ABCC5: variants seen among roughly 807,000 people sequenced by gnomAD.
ABCC5 encodes the protein ATP binding cassette subfamily C member 5.
Under a neutral mutation model 160.9 loss-of-function variants are expected in ABCC5, and 61 were observed. The observed-to-expected ratio is 0.38, with a 90% CI of 0.31 to 0.47. The LOEUF (loss-of-function observed/expected upper bound fraction) is 0.47. Ranked by LOEUF, ABCC5 falls within the 20% of genes least tolerant of loss-of-function variation. The pLI is 0.99. For missense variants in ABCC5, 1,308 were observed against 1,813.3 expected (o/e 0.72, Z 5.06); for synonymous variants, 666 against 700.6 (o/e 0.95, Z 0.78).
intron 22 of ABCC5, among the ~76,000 whole-genome samples, chr3:183,948,009 G>C (rs1715008030): frequency 2.0e-5 from 3 of 152,178 alleles, no homozygotes; most frequent in African/African-American, 7.2e-5. Context: ...CCCAGCTATG[G>C]AGCCAAGCAC....
chr3:183,940,463 A>AAG, intron 25 of ABCC5, among the ~76,000 whole-genome samples: 3 of 36,606 alleles, frequency 8.2e-5, no homozygotes, highest in Non-Finnish European at 1.4e-4. Flanking sequence ...CTGTCTCAGG[A>AAG]AAAAAAAAAA....
chr3:183,933,326 G>C (rs1293597021), intron 26 of ABCC5, among the ~76,000 whole-genome samples: 4 of 152,158 alleles, frequency 2.6e-5, no homozygotes, highest in Non-Finnish European at 5.9e-5. Flanking sequence ...GAAGACTCAA[G>C]AGACATACCA....
rs2108790465 is a variant in ABCC5 at position 183,947,329 on chromosome 3, C to A, written c.3409G>T (p.Val1137Phe). The A allele has an allele frequency of 6.2e-7, 1 of 1,605,760 alleles. No individual in the cohort carries two copies. The highest frequency in any genetic ancestry group is 2.2e-5 in the East Asian group (1 of 44,656). The change falls in exon 23 of 30, where the codon GTC becomes TTC. Residue 1137 changes from valine (V) to phenylalanine (F), a missense_variant. By Grantham distance (50) the Val-to-Phe change is conservative. This residue lies in a region of ABCC5 where 1,142 missense variants were observed against 1,527.1 expected (regional missense o/e 0.75). Transcript: ENST00000334444. ...AYAGLAISYAVQLTGLFQFTV... is the reference protein window; with the variant it reads ...AYAGLAISYAFQLTGLFQFTV... ...CTCCTATCCCAGAGACTGACCTGGA[C>A]AGCATAAGAGATGGCGAGACCCGCA...
At chr3:184,003,259 A>T (rs1205292736) in intron 2 of ABCC5, among the ~76,000 whole-genome samples, 2 of 152,096 alleles carry the variant, frequency 1.3e-5, no homozygotes, top group Non-Finnish European at 2.9e-5. Context: ...ATTTAAAAAG[A>T]TCAAAAACTG....
In ABCC5 at chr3:183,934,214, G is replaced by A. The variant is rs573656426; in HGVS notation, c.3854+3687C>T. On this transcript the variant is annotated intron_variant, in intron 26 of 29. Coordinates refer to ENST00000334444, the MANE Select transcript of ABCC5 (RefSeq NM_005688.4). ...CCAGCGACTCAGGAGGCTGAGGCAC[G>A]CAAATCACTTGAACCCAGGAGGCAG... Among the ~76,000 whole-genome samples the A allele has an allele frequency of 1.6e-4, 24 of 152,300 alleles. No individual in the cohort carries two copies. In the South Asian group the frequency reaches 3.5e-3, roughly 22 times the overall value.
rs760523327 is a variant in ABCC5, at chr3:183,971,794, G to A, written c.1530C>T (p.Pro510=). The change falls in exon 11 of 30, where the codon CCC becomes CCT. Residue 510 remains proline (P), a synonymous_variant. Coordinates refer to ENST00000334444, the MANE Select transcript of ABCC5 (RefSeq NM_005688.4). ...DSSHSSIQNS[P]KLTPKMKKDK... ...CTTTTTTCATTTTGGGGGTCAGCTT[G>A]GGCGAGTTCTGGATACTGGAGTGGG... The A allele has an allele frequency of 6.2e-7, 1 of 1,614,162 alleles. No homozygotes were observed. The highest frequency in any genetic ancestry group is 1.1e-5 in the South Asian group (1 of 91,076).
Position 183,982,864 on chromosome 3 carries a change from T to C in ABCC5, c.735A>G (p.Arg245=), listed in dbSNP as rs771643788. ...SLALTWALNY[R]TGVRLRGAIL... is the part of the protein sequence containing the mutation. ...TGGCCCCCCGCAAGCGGACACCGGT[T>C]CGGTAATTCAATGCCCAAGTCAGTG... Residue 245 remains arginine, a synonymous_variant, in exon 6 of 30, where the codon CGA becomes CGG. Coordinates refer to ENST00000334444, the MANE Select transcript of ABCC5 (RefSeq NM_005688.4). This position sits in a 1 kb window ranked among gnomAD's most constrained non-coding sequence, Gnocchi z 5.2. 6.2e-7 allele frequency: 1 copy of C among 1,614,220 alleles called. No homozygotes were observed. Among genetic ancestry groups the C allele is most frequent in the Non-Finnish European group, 8.5e-7 (1 of 1,180,042 alleles).
At chr3:183,996,079 T>C (rs1560045709) in intron 2 of ABCC5, among the ~76,000 whole-genome samples, 1 of 152,170 alleles carries the variant, frequency 6.6e-6, no homozygotes, top group Non-Finnish European at 1.5e-5. Flanking sequence ...AGTGTTGGGA[T>C]TACAGGTGTA....
chr3:183,980,318 C>T (rs980957431), intron 8 of ABCC5, among the ~76,000 whole-genome samples: 1 of 152,194 alleles, frequency 6.6e-6, no homozygotes, highest in African/African-American at 2.4e-5. Flanking sequence ...TACACCTTGG[C>T]CATGTCTATA....
At chr3:184,015,425 G>A (rs1041507925) in intron 1 of ABCC5, among the ~76,000 whole-genome samples, 5 of 152,142 alleles carry the variant, frequency 3.3e-5, no homozygotes, top group Non-Finnish European at 7.3e-5. Flanking sequence ...AATTAAAGAC[G>A]TGTAGCCGTG....
Position 183,987,380 on chromosome 3 carries a change from C to T in ABCC5, c.591+390G>A. On this transcript the variant is annotated intron_variant, in intron 5 of 29. Transcript: ENST00000334444. The surrounding 1 kb of genome is among the most constrained non-coding windows in gnomAD (Gnocchi z 4.2). ...CAAACATGTGATAACTGCCTCCAGG[C>T]ACTTGGTATGTTCCCGGTGCTGGCT... 2.2e-6 allele frequency: 1 copy of T among 446,658 alleles called. No individual in the cohort carries two copies. Among genetic ancestry groups the T allele is most frequent in the South Asian group, 4.2e-5 (1 of 23,840 alleles). The allele number at this position is 446,658 out of a possible 1,614,324, so 27.7% of individuals were successfully genotyped here.
intron 26 of ABCC5, among the ~76,000 whole-genome samples, chr3:183,936,187 C>T (rs921658865): frequency 1.1e-4 from 17 of 152,068 alleles, no homozygotes; most frequent in African/African-American, 2.7e-4. Flanking sequence ...AGGCACACAC[C>T]GAGGAAAGGC....
At position 183,967,555 on chromosome 3, in the gene ABCC5, G is replaced by A. The variant is rs192552833; in HGVS notation, c.1833+140C>T. 199 of 740,284 alleles carry A rather than the reference G, an allele frequency of 2.7e-4. No homozygotes were observed. In the African/African-American group the frequency reaches 2.9e-3, roughly 11 times the overall value. The allele number at this position is 740,284 out of a possible 1,614,324, so 45.9% of individuals were successfully genotyped here. A position where few individuals can be genotyped will look rare whatever the true frequency, so the allele number is the denominator to read the frequency against. The stretch of plus-strand genomic sequence containing the variant: ...AAGGGGGAGAACTGGGGGGAACTGC[G>A]GGGGATTGGGGGCATACAATGCAGG... On this transcript the variant is annotated intron_variant, in intron 12 of 29. Transcript: ENST00000334444.
At chr3:183,961,778 C>T (rs1716761097) in intron 15 of ABCC5, 124 bp from the exon 16 acceptor site, 2 of 1,241,152 alleles carry the variant, frequency 1.6e-6, no homozygotes. Context: ...TTGGCAGCAT[C>T]TGGAGACATT....
In ABCC5 at chr3:183,963,238, T is replaced by C. The variant is rs1478403871; in HGVS notation, c.2235+147A>G. On this transcript the variant is annotated intron_variant, in intron 15 of 29. Transcript: ENST00000334444. This position sits in a 1 kb window ranked among gnomAD's most constrained non-coding sequence, Gnocchi z 4.6. ...TGTTACACTGGTACAGTGAGCTTTA[T>C]TGGTACAGGGGGCTAATTTGCTAAG... 2.6e-6 allele frequency: 2 copies of C among 770,072 alleles called. No individual in the cohort carries two copies. The highest frequency in any genetic ancestry group is 1.8e-5 in the South Asian group (1 of 56,950). The allele number at this position is 770,072 out of a possible 1,614,324, so 47.7% of individuals were successfully genotyped here.
intron 24 of ABCC5, among the ~76,000 whole-genome samples, chr3:183,944,936 T>C (rs2108786462): frequency 6.6e-6 from 1 of 152,312 alleles, no homozygotes. Flanking sequence ...GGCAGATGAC[T>C]GAATCAGGGG....
rs999670941 is a variant in ABCC5, at chr3:183,949,261, A to G, written c.3227+492T>C. 2.0e-5 allele frequency among the ~76,000 whole-genome samples: 3 copies of G among 152,394 alleles called. No homozygotes were observed. The highest frequency in any genetic ancestry group is 2.1e-4 in the South Asian group (1 of 4,828). On this transcript the variant is annotated intron_variant, in intron 22 of 29. Coordinates refer to ENST00000334444, the MANE Select transcript of ABCC5 (RefSeq NM_005688.4). The surrounding 1 kb of genome is among the most constrained non-coding windows in gnomAD (Gnocchi z 4.2). ...ACAAAGCTCCACAATGACAATGCAC[A>G]TAAGTTTCACAAATAAACAATACTC...
At chr3:183,998,907 T>C (rs1033145331) in intron 2 of ABCC5, among the ~76,000 whole-genome samples, 2 of 151,876 alleles carry the variant, frequency 1.3e-5, no homozygotes, top group Admixed American at 6.6e-5. Flanking sequence ...CTGGCCAATA[T>C]GGTGCAACCT....
intron 22 of ABCC5, among the ~76,000 whole-genome samples, chr3:183,948,766 G>T (rs1297173885): frequency 6.6e-6 from 1 of 151,972 alleles, no homozygotes; most frequent in Non-Finnish European, 1.5e-5. Flanking sequence ...GCAATGGCAT[G>T]GTCTGGCCTC....
Sources: allele counts gnomAD v4.1 joint callset (sites outside exome capture counted in the v4.1 genomes callset), GRCh38; gene constraint gnomAD v4.1.1; regional missense constraint gnomAD v4.1.1; non-coding constraint Gnocchi (gnomAD v3.1); transcripts MANE v1.5; gene names NCBI Gene and HGNC (gene_info 2026-07-23, HGNC 2026-07-21).